Variants in TECRL observed in about 807,000 individuals in gnomAD.
TECRL encodes the protein trans-2,3-enoyl-CoA reductase-like.
A neutral mutation model predicts 52.8 loss-of-function variants in TECRL; 63 were observed. That is an observed-to-expected ratio of 1.19 (90% CI 0.97 to 1.47). The LOEUF (loss-of-function observed/expected upper bound fraction) is 1.47. TECRL is among the 40% of genes most tolerant of loss of function. The pLI, the probability that TECRL is intolerant of heterozygous loss-of-function variation, is 0.00. For synonymous variants in TECRL, 164 were observed against 141.9 expected, an observed-to-expected ratio of 1.16 and a Z score of -1.10; for missense variants, 482 against 429.6, an observed-to-expected ratio of 1.12 and a Z score of -1.08.
Position 64,409,216 on chromosome 4 carries a change from G to C in TECRL, c.136C>G (p.Leu46Val). 1 of 1,608,328 alleles carries C rather than the reference G, an allele frequency of 6.2e-7. No individual in the cohort carries two copies. Among genetic ancestry groups the C allele is most frequent in the Non-Finnish European group, 8.5e-7 (1 of 1,176,620 alleles). ...TGTTTGACTGCTGGAGTTGGTCTTAGAGGGCCCGCTGAGAGTACAAGTTTT... is the reference window on the plus strand; with the variant it reads ...TGTTTGACTGCTGGAGTTGGTCTTACAGGGCCCGCTGAGAGTACAAGTTTT... Reference protein sequence around the residue: ...LSKLVLSAGPLRPTPAVKHSK... With the variant: ...LSKLVLSAGPVRPTPAVKHSK... The change falls in exon 1 of 12, where the codon CTA (leucine) becomes GTA (valine). Residue 46 changes from leucine to valine, a missense_variant. Coordinates refer to ENST00000381210, the MANE Select transcript of TECRL (RefSeq NM_001010874.5).
At position 64,281,946 on chromosome 4, in the gene TECRL, A is replaced by G. The variant is rs79715065; in HGVS notation, c.833-387T>C. 8.7e-3 allele frequency among the ~76,000 whole-genome samples: 1,324 copies of G among 152,016 alleles called. 14 individuals are homozygous for G. The highest frequency in any genetic ancestry group is 0.031 in the African/African-American group (1,276 of 41,540). ...CCACCTCTTCACATTCCCCTTTACTATCAAAGAAGATACATTTGTTTGAGA... is the reference window on the plus strand; with the variant it reads ...CCACCTCTTCACATTCCCCTTTACTGTCAAAGAAGATACATTTGTTTGAGA... On this transcript the variant is annotated intron_variant, in intron 9 of 11. Coordinates refer to ENST00000381210, the MANE Select transcript of TECRL (RefSeq NM_001010874.5).
At chr4:64,398,997 C>T (rs1348475863) in intron 1 of TECRL, among the ~76,000 whole-genome samples, 1 of 152,186 alleles carries the variant, frequency 6.6e-6, no homozygotes, top group Non-Finnish European at 1.5e-5. Context: ...GAACTTTAAA[C>T]TTGAGAATGA....
intron 1 of TECRL, among the ~76,000 whole-genome samples, chr4:64,384,394 A>T (rs968089880): frequency 6.6e-6 from 1 of 152,018 alleles, no homozygotes; most frequent in African/African-American, 2.4e-5. Context: ...TGAGGCCCCA[A>T]GTTGGCATAT....
chr4:64,288,730 AG>A (rs1723214562), intron 9 of TECRL, among the ~76,000 whole-genome samples: 1 of 152,152 alleles, frequency 6.6e-6, no homozygotes, highest in Admixed American at 6.5e-5. Context: ...GATCCACCAC[AG>A]CTTTCTGAAT....
At chr4:64,357,601 TGAAAA>T (rs36224354) in intron 2 of TECRL, among the ~76,000 whole-genome samples, 55,333 of 150,892 alleles carry the variant, frequency 0.37, 12,438 homozygotes, top group East Asian at 0.61. Context: ...TTTAAAACTA[TGAAAA>T]GAAAAGTTAA....
chr4:64,358,328 AT>A (rs1287932112), intron 2 of TECRL, among the ~76,000 whole-genome samples: 1 of 151,844 alleles, frequency 6.6e-6, no homozygotes, highest in African/African-American at 2.4e-5. Flanking sequence ...CATCTAAAAA[AT>A]ATTGTTAAAT....
At chr4:64,359,449 G>A (rs1028964529) in intron 2 of TECRL, among the ~76,000 whole-genome samples, 13 of 151,754 alleles carry the variant, frequency 8.6e-5, no homozygotes, top group African/African-American at 3.1e-4. Flanking sequence ...AATAGTTATT[G>A]CATTTGTAAT....
chr4:64,389,437 T>C (rs1034525596), intron 1 of TECRL, among the ~76,000 whole-genome samples: 9 of 151,964 alleles, frequency 5.9e-5, no homozygotes, highest in African/African-American at 2.2e-4. Context: ...TTTTAAATGT[T>C]GGACTAGGCT....
intron 1 of TECRL, among the ~76,000 whole-genome samples, chr4:64,401,337 C>T (rs924609799): frequency 6.6e-6 from 1 of 152,138 alleles, no homozygotes; most frequent in African/African-American, 2.4e-5. Context: ...GGAAGCTTGG[C>T]TTATTACTTT....
At chr4:64,408,190 T>A (rs1724853472) in intron 1 of TECRL, among the ~76,000 whole-genome samples, 1 of 151,904 alleles carries the variant, frequency 6.6e-6, no homozygotes, top group African/African-American at 2.4e-5. Context: ...AAGAAAGGAC[T>A]AAACAGCTTC....
intron 1 of TECRL, among the ~76,000 whole-genome samples, chr4:64,387,379 C>A (rs1178373020): frequency 6.6e-6 from 1 of 152,082 alleles, no homozygotes; most frequent in Non-Finnish European, 1.5e-5. Flanking sequence ...CATCTTTATG[C>A]AGATTTATGT....
chr4:64,395,985 T>C (rs1723919201), intron 1 of TECRL, among the ~76,000 whole-genome samples: 1 of 152,204 alleles, frequency 6.6e-6, no homozygotes, highest in South Asian at 2.1e-4. Flanking sequence ...TTCTTCCATG[T>C]TGCTACAAAG....
At chr4:64,396,820 T>C (rs747202351) in intron 1 of TECRL, among the ~76,000 whole-genome samples, 3 of 152,172 alleles carry the variant, frequency 2.0e-5, no homozygotes, top group Non-Finnish European at 2.9e-5. Flanking sequence ...CATTGTGAGT[T>C]GATTTTTGTA....
At position 64,305,247 on chromosome 4, in the gene TECRL, A is replaced by G. The variant is rs1208257060; in HGVS notation, c.658-9T>C. 1.2e-6 allele frequency: 2 copies of G among 1,607,684 alleles called. No homozygotes were observed. Among genetic ancestry groups the G allele is most frequent in the South Asian group, 1.1e-5 (1 of 90,586 alleles). ...CAGTAAAAGGCACAACTCTGCAAAC[A>G]AAACAAAACAAAATAAAAGTTAGGA... is the stretch of plus-strand genomic sequence containing the variant. On this transcript the variant is annotated splice_polypyrimidine_tract_variant and intron_variant, in intron 6 of 11. Transcript: ENST00000381210.
intron 8 of TECRL, among the ~76,000 whole-genome samples, chr4:64,296,249 C>T (rs997426273): frequency 6.6e-6 from 1 of 151,850 alleles, no homozygotes; most frequent in Non-Finnish European, 1.5e-5. Context: ...ACTTGCTCTC[C>T]TGTTTTAAAA....
chr4:64,342,431 A>ATTTG (rs1238738848), intron 2 of TECRL, among the ~76,000 whole-genome samples: 1 of 23,836 alleles, frequency 4.2e-5, no homozygotes, highest in Non-Finnish European at 1.1e-4. Flanking sequence ...TTATATATAT[A>ATTTG]TATGTGTGTG....
chr4:64,404,479 C>A (rs1264499514), intron 1 of TECRL, among the ~76,000 whole-genome samples: 1 of 151,984 alleles, frequency 6.6e-6, no homozygotes, highest in African/African-American at 2.4e-5. Flanking sequence ...ATTTTTCCTA[C>A]AATCTCTTAT....
intron 1 of TECRL, among the ~76,000 whole-genome samples, chr4:64,394,420 C>A (rs568102100): frequency 1.3e-5 from 2 of 152,088 alleles, no homozygotes; most frequent in South Asian, 2.1e-4. Context: ...AGTGGACATG[C>A]GCCTCCAGAA....
intron 2 of TECRL, among the ~76,000 whole-genome samples, chr4:64,342,433 A>ATGTGTG (rs144001005): frequency 0.036 from 5,428 of 150,030 alleles, 108 homozygotes; most frequent in African/African-American, 0.044. Flanking sequence ...ATATATATAT[A>ATGTGTG]TGTGTGTGTG....
Sources: allele counts gnomAD v4.1 joint callset (sites outside exome capture counted in the v4.1 genomes callset), GRCh38; gene constraint gnomAD v4.1.1; transcripts MANE v1.5; gene names NCBI Gene and HGNC (gene_info 2026-07-23, HGNC 2026-07-21).